The following ZNF804B variants were observed in gnomAD, a reference collection of about 807,000 sequenced individuals.
ZNF804B encodes zinc finger 804B.
In ZNF804B, 80 loss-of-function variants were observed where a neutral mutation model predicts 101.4. The observed-to-expected ratio is 0.79, with a 90% CI of 0.66 to 0.95. The LOEUF is 0.95. Among genes scored for constraint, ZNF804B ranks in the 40% least tolerant of loss-of-function variants. The probability of loss-of-function intolerance (pLI) is 0.00; values close to 1 mark genes in which losing one functional copy is unlikely to be tolerated. For synonymous variants in ZNF804B, 622 were observed against 558.8 expected (o/e 1.11, Z -1.59); for missense variants, 1,673 against 1,561.9 (o/e 1.07, Z -1.20).
intron 1 of ZNF804B, among the ~76,000 whole-genome samples, chr7:88,861,123 TTTAAGTG>T (rs1791637995): frequency 6.6e-6 from 1 of 152,208 alleles, no homozygotes; most frequent in East Asian, 1.9e-4. Context: ...CAGATATATT[TTTAAGTG>T]CTAGAGAACA....
intron 3 of ZNF804B, among the ~76,000 whole-genome samples, chr7:89,330,823 A>T (rs531856512): frequency 6.6e-6 from 1 of 151,374 alleles, no homozygotes; most frequent in South Asian, 2.1e-4. Flanking sequence ...AAAAACAATA[A>T]GAGCAAAGAA....
At chr7:89,157,878 A>G (rs1347104158) in intron 1 of ZNF804B, among the ~76,000 whole-genome samples, 1 of 152,216 alleles carries the variant, frequency 6.6e-6, no homozygotes, top group Non-Finnish European at 1.5e-5. Context: ...TAAGTAATTG[A>G]AACTAAAGTG....
chr7:88,911,273 C>CT (rs971643618), intron 1 of ZNF804B, among the ~76,000 whole-genome samples: 10 of 151,736 alleles, frequency 6.6e-5, no homozygotes, highest in South Asian at 2.1e-4. Flanking sequence ...TAAAATGATG[C>CT]TTTTTTTAAT....
At chr7:89,000,676 CTG>C (rs1464865355) in intron 1 of ZNF804B, among the ~76,000 whole-genome samples, 1 of 151,710 alleles carries the variant, frequency 6.6e-6, no homozygotes, top group Non-Finnish European at 1.5e-5. Context: ...ATTCTACTGT[CTG>C]TTTCAATGAG....
intron 1 of ZNF804B, among the ~76,000 whole-genome samples, chr7:88,898,798 A>G (rs1375517637): frequency 1.3e-5 from 2 of 152,084 alleles, no homozygotes; most frequent in African/African-American, 4.8e-5. Context: ...CAGTGATGCT[A>G]TTACTGGTTT....
intron 2 of ZNF804B, among the ~76,000 whole-genome samples, chr7:89,219,327 T>C (rs1788945601): frequency 6.7e-6 from 1 of 149,770 alleles, no homozygotes; most frequent in South Asian, 2.1e-4. Context: ...AATAAAAGAT[T>C]ACATTTTCCT....
At chr7:89,279,991 T>C (rs1790061351) in intron 2 of ZNF804B, among the ~76,000 whole-genome samples, 1 of 151,836 alleles carries the variant, frequency 6.6e-6, no homozygotes, top group Non-Finnish European at 1.5e-5. Context: ...ATTCCAAAAT[T>C]GACCACATAG....
At chr7:88,788,821 AAG>A (rs1170079019) in intron 1 of ZNF804B, among the ~76,000 whole-genome samples, 1 of 152,124 alleles carries the variant, frequency 6.6e-6, no homozygotes, top group African/African-American at 2.4e-5. Context: ...TGATCAGGGA[AAG>A]AGAAGAATGC....
chr7:88,814,473 C>T (rs1790843916), intron 1 of ZNF804B, among the ~76,000 whole-genome samples: 1 of 141,162 alleles, frequency 7.1e-6, no homozygotes, highest in East Asian at 3.1e-4. Flanking sequence ...CACACACACA[C>T]ACACACACAC....
intron 1 of ZNF804B, among the ~76,000 whole-genome samples, chr7:89,195,902 G>A (rs899346391): frequency 9.9e-5 from 15 of 151,906 alleles, no homozygotes; most frequent in Non-Finnish European, 1.9e-4. Context: ...AAAAATCAGA[G>A]AGGACACAGG....
At chr7:89,008,940 G>A (rs1340561014) in intron 1 of ZNF804B, among the ~76,000 whole-genome samples, 3 of 151,916 alleles carry the variant, frequency 2.0e-5, no homozygotes, top group East Asian at 1.9e-4. Flanking sequence ...TCTCATGCTC[G>A]ACATTTTTAC....
At chr7:88,774,736 T>C (rs993011566) in intron 1 of ZNF804B, among the ~76,000 whole-genome samples, 2 of 152,146 alleles carry the variant, frequency 1.3e-5, no homozygotes, top group Non-Finnish European at 2.9e-5. Flanking sequence ...GAGCTGAAGA[T>C]GAGTGTTATT....
intron 1 of ZNF804B, among the ~76,000 whole-genome samples, chr7:88,984,879 T>A (rs1793738806): frequency 6.6e-6 from 1 of 152,082 alleles, no homozygotes; most frequent in Non-Finnish European, 1.5e-5. Flanking sequence ...ATATTTTTTT[T>A]AATCTCCAGA....
intron 2 of ZNF804B, among the ~76,000 whole-genome samples, chr7:89,297,983 A>ATT (rs200421723): frequency 7.4e-6 from 1 of 135,936 alleles, no homozygotes. Flanking sequence ...CATTTACTTA[A>ATT]TTTTTTTTTT....
At chr7:88,834,655 A>G (rs546803501) in intron 1 of ZNF804B, among the ~76,000 whole-genome samples, 1 of 125,346 alleles carries the variant, frequency 8.0e-6, no homozygotes, top group Non-Finnish European at 1.6e-5. Flanking sequence ...CACTTTGTGT[A>G]TATATTTTAC....
intron 1 of ZNF804B, among the ~76,000 whole-genome samples, chr7:89,169,572 A>G (rs950013681): frequency 2.6e-5 from 4 of 152,102 alleles, no homozygotes; most frequent in African/African-American, 7.2e-5. Flanking sequence ...CTGTCTCTCA[A>G]TAGGAATGTA....
chr7:89,225,662 T>C (rs1789078605), intron 2 of ZNF804B, among the ~76,000 whole-genome samples: 1 of 152,132 alleles, frequency 6.6e-6, no homozygotes, highest in Non-Finnish European at 1.5e-5. Context: ...GGTAAACATA[T>C]GGGGTGCCTA....
chr7:88,921,799 A>G (rs1374193428), intron 1 of ZNF804B, among the ~76,000 whole-genome samples: 2 of 152,076 alleles, frequency 1.3e-5, no homozygotes, highest in African/African-American at 4.8e-5. Context: ...ATGTTTAGGA[A>G]TAAACATGGT....
At chr7:88,825,263 G>A (rs942807917) in intron 1 of ZNF804B, among the ~76,000 whole-genome samples, 17 of 152,134 alleles carry the variant, frequency 1.1e-4, no homozygotes, top group Non-Finnish European at 1.8e-4. Flanking sequence ...GGCAGTGGTG[G>A]TGGTAACTCC....
Sources: gnomAD v4.1 joint callset for allele counts (sites outside exome capture counted in the v4.1 genomes callset) on GRCh38, gnomAD v4.1.1 for gene constraint, MANE v1.5 for transcripts, NCBI Gene and HGNC (gene_info 2026-07-23, HGNC 2026-07-21) for gene names.